Variants in TP53BP1 observed in about 807,000 individuals in gnomAD.
TP53BP1 encodes the protein TP53-binding protein 1.
In TP53BP1, 61 loss-of-function variants were observed where a neutral mutation model predicts 200.8. The ratio of observed to expected loss-of-function variants is 0.30; its 90% CI spans 0.25 to 0.38. The LOEUF is 0.38. Among genes scored for constraint, TP53BP1 ranks in the 10% least tolerant of loss-of-function variants. TP53BP1 has a pLI of 1.00. For missense variants in TP53BP1, 2,144 were observed against 2,371.9 expected, an observed-to-expected ratio of 0.90 and a Z score of 2.00; for synonymous variants, 822 against 844.3, an observed-to-expected ratio of 0.97 and a Z score of 0.46.
Position 43,470,088 on chromosome 15 carries a change from A to G in TP53BP1, c.1181-22T>C, listed in dbSNP as rs764980068. On this transcript the variant is annotated intron_variant, in intron 10 of 27. Transcript: ENST00000382044. The stretch of plus-strand genomic sequence containing the variant: ...TTATCTGGTTTAAAACAGGAGAAAC[A>G]AATTGAGAAATATCACTCATCAATA... 18 of 1,576,394 alleles carry G rather than the reference A, an allele frequency of 1.1e-5. No homozygotes were observed. In the Admixed American group the frequency reaches 1.3e-4, roughly 12 times the overall value.
chr15:43,408,160 TCATGTA>T (rs2044981907), intron 26 of TP53BP1, 72 bp from the exon 27 acceptor site: 1 of 1,447,802 alleles, frequency 6.9e-7, no homozygotes, highest in Non-Finnish European at 9.5e-7. Flanking sequence ...GCAAAGGGAC[TCATGTA>T]CATCTGAATG....
chr15:43,420,739 A>G lies in TP53BP1; in HGVS notation c.4251-4T>C. 1 of 1,611,122 alleles carries G rather than the reference A, an allele frequency of 6.2e-7. No homozygotes were observed. Among genetic ancestry groups the G allele is most frequent in the Non-Finnish European group, 8.5e-7 (1 of 1,178,394 alleles). ...GGGGCCAGGCACAGCTGTTTCTCTAAAGAGAGATAGGGGATAGGAGAAGCC... is the reference window on the plus strand; with the variant it reads ...GGGGCCAGGCACAGCTGTTTCTCTAGAGAGAGATAGGGGATAGGAGAAGCC... On this transcript the variant is annotated splice_polypyrimidine_tract_variant and splice_region_variant and intron_variant, in intron 20 of 27. Transcript: ENST00000382044.
intron 18 of TP53BP1, among the ~76,000 whole-genome samples, chr15:43,424,797 T>C (rs1028904254): frequency 6.6e-6 from 1 of 152,224 alleles, no homozygotes; most frequent in African/African-American, 2.4e-5. Flanking sequence ...TGGCGTGCTA[T>C]GGTTTGAACG....
In TP53BP1 at chr15:43,420,751, G is replaced by A. The variant is rs1375786881; in HGVS notation, c.4251-16C>T. The A allele has an allele frequency of 1.9e-6, 3 of 1,602,678 alleles. No individual in the cohort carries two copies. The Admixed American group carries it at 5.2e-5, about 28-fold the overall frequency. On this transcript the variant is annotated splice_polypyrimidine_tract_variant and intron_variant, in intron 20 of 27. Transcript: ENST00000382044. ...AGCTGTTTCTCTAAAGAGAGATAGG[G>A]GATAGGAGAAGCCGGTGAGAACAAG...
At chr15:43,468,096 T>C in intron 11 of TP53BP1, among the ~76,000 whole-genome samples, 1 of 143,996 alleles carries the variant, frequency 6.9e-6, no homozygotes, top group African/African-American at 2.5e-5. Flanking sequence ...GATTTATAAC[T>C]TTTTTTTTTT....
intron 1 of TP53BP1, among the ~76,000 whole-genome samples, chr15:43,506,578 A>C (rs1566973247): frequency 6.6e-6 from 1 of 152,220 alleles, no homozygotes. Flanking sequence ...AGGGTCCTTC[A>C]TCACAGTTCA....
In TP53BP1 at chr15:43,479,909, A is replaced by T. The variant is rs1401226570; in HGVS notation, c.608T>A (p.Val203Glu). The T allele has an allele frequency of 6.2e-7, 1 of 1,614,198 alleles. No individual in the cohort carries two copies. The highest frequency in any genetic ancestry group is 1.1e-5 in the South Asian group (1 of 91,076). The change falls in exon 6 of 28, where the codon GTA becomes GAA. Residue 203 changes from valine to glutamate, a missense_variant. Physicochemically the swap from Val to Glu is moderately radical, Grantham distance 121. Transcript: ENST00000382044. ...CCTGGTATAACCAGAGTTGGTGGTT[A>T]CTGATTGTAGCTGCTCTTTGTCCAC... ...YEVDKEQLQS[V>E]TTNSGYTRLS...
intron 13 of TP53BP1, chr15:43,447,034 G>A (rs1034003814): frequency 6.2e-6 from 3 of 487,276 alleles, no homozygotes; most frequent in Non-Finnish European, 1.2e-5. Context: ...TGAATAAATA[G>A]TACTTCTACC....
chr15:43,469,729 G>A, intron 11 of TP53BP1, 129 bp downstream of exon 11: 2 of 820,064 alleles, frequency 2.4e-6, no homozygotes, highest in Non-Finnish European at 3.7e-6. Context: ...TCACAACTCT[G>A]TAAATTTACT....
intron 17 of TP53BP1, 95 bp downstream of exon 17, chr15:43,432,099 A>T: frequency 6.7e-7 from 1 of 1,502,588 alleles, no homozygotes; most frequent in Non-Finnish European, 8.9e-7. Context: ...AACTGTCAAG[A>T]ATTGTCATTA....
At chr15:43,418,180 TAAA>T (rs757250428) in intron 21 of TP53BP1, among the ~76,000 whole-genome samples, 3 of 100,332 alleles carry the variant, frequency 3.0e-5, no homozygotes, top group African/African-American at 4.0e-5. Flanking sequence ...GCTCTGTTTT[TAAA>T]AAAAAAAAAA....
chr15:43,410,416 T>G (rs943384289), intron 24 of TP53BP1, among the ~76,000 whole-genome samples: 2 of 152,120 alleles, frequency 1.3e-5, no homozygotes, highest in African/African-American at 4.8e-5. Flanking sequence ...TCTATAGTCT[T>G]GAGAGTGAAG....
chr15:43,421,308 C>T (rs1436262349), intron 19 of TP53BP1, 134 bp from the exon 20 acceptor site: 17 of 816,860 alleles, frequency 2.1e-5, no homozygotes, highest in Non-Finnish European at 2.9e-5. Flanking sequence ...AGCTGGTTCA[C>T]ACACCCACCA....
chr15:43,435,031 CG>C (rs1182897376), intron 16 of TP53BP1, among the ~76,000 whole-genome samples: 1 of 152,010 alleles, frequency 6.6e-6, no homozygotes, highest in Non-Finnish European at 1.5e-5. Context: ...GAAGCCAAGA[CG>C]GGTGGATCAC....
At chr15:43,454,923 T>C (rs1225895649) in intron 12 of TP53BP1, among the ~76,000 whole-genome samples, 1 of 151,872 alleles carries the variant, frequency 6.6e-6, no homozygotes. Context: ...TGGAGATGGG[T>C]TTCACCATGT....
rs768358828 is a variant in TP53BP1 at position 43,405,948 on chromosome 15, G to A, written c.*1435C>T. On this transcript the variant is annotated 3_prime_UTR_variant, in exon 28 of 28. Transcript: ENST00000382044. Reference sequence around the variant, plus strand: ...CCAGCTACTCAGGAGGCTGAGACAGGAGAATTGCTTGAACCTGGGAAGCAG... The same window carrying A: ...CCAGCTACTCAGGAGGCTGAGACAGAAGAATTGCTTGAACCTGGGAAGCAG... The A allele has an allele frequency of 6.7e-5, 10 of 148,828 alleles. No individual in the cohort carries two copies. The highest frequency in any genetic ancestry group is 1.5e-4 in the Non-Finnish European group (10 of 67,744). The allele number at this position is 148,828 out of a possible 1,614,324, so 9.2% of individuals were successfully genotyped here. A position where few individuals can be genotyped will look rare whatever the true frequency, so the allele number is the denominator to read the frequency against.
chr15:43,465,336 T>G (rs1046400422), intron 11 of TP53BP1, among the ~76,000 whole-genome samples: 1 of 152,118 alleles, frequency 6.6e-6, no homozygotes. Flanking sequence ...TCTATGAATA[T>G]ACTAAAAACC....
At position 43,405,329 on chromosome 15, in the gene TP53BP1, C is replaced by T. The variant is rs1450980822; in HGVS notation, c.*2054G>A. On this transcript the variant is annotated 3_prime_UTR_variant, in exon 28 of 28. Transcript: ENST00000382044. ...AAATATCTGCGGCTTAGTGATAGGACTCTACCTTTTCTCCTAGAAGCAGTT... is the reference window on the plus strand; with the variant it reads ...AAATATCTGCGGCTTAGTGATAGGATTCTACCTTTTCTCCTAGAAGCAGTT... 1.7e-6 allele frequency: 2 copies of T among 1,210,878 alleles called. No homozygotes were observed. Among genetic ancestry groups the T allele is most frequent in the Non-Finnish European group, 2.4e-6 (2 of 831,126 alleles). The allele number at this position is 1,210,878 out of a possible 1,614,324, so 75.0% of individuals were successfully genotyped here. A position where few individuals can be genotyped will look rare whatever the true frequency, so the allele number is the denominator to read the frequency against.
chr15:43,462,470 C>T (rs1331451059), intron 11 of TP53BP1, among the ~76,000 whole-genome samples: 3 of 151,774 alleles, frequency 2.0e-5, no homozygotes, highest in African/African-American at 2.4e-5. Flanking sequence ...TCACCACATC[C>T]GGCTAATTTT....
Sources: gnomAD v4.1 joint callset for allele counts (sites outside exome capture counted in the v4.1 genomes callset) on GRCh38, gnomAD v4.1.1 for gene constraint, MANE v1.5 for transcripts, NCBI Gene and HGNC (gene_info 2026-07-23, HGNC 2026-07-21) for gene names.